Variants in MPP4 observed in about 807,000 individuals in gnomAD.
The protein encoded by MPP4 is MAGUK p55 scaffold protein 4.
MPP4 carries 91 observed loss-of-function variants against 98.3 expected under a neutral mutation model. The ratio of observed to expected loss-of-function variants is 0.93; its 90% CI spans 0.78 to 1.10. The LOEUF is 1.10. Among genes scored for constraint, MPP4 ranks in the 50% least tolerant of loss-of-function variants. MPP4 has a pLI of 0.00. For synonymous variants in MPP4, 261 were observed against 271.8 expected (o/e 0.96, Z 0.39); for missense variants, 744 against 792.9 (o/e 0.94, Z 0.74).
At chr2:201,667,359 G>A (rs1002096195) in intron 12 of MPP4, among the ~76,000 whole-genome samples, 1 of 152,112 alleles carries the variant, frequency 6.6e-6, no homozygotes, top group African/African-American at 2.4e-5. Context: ...ATACCCCCTT[G>A]CAGAGCATTT....
intron 12 of MPP4, among the ~76,000 whole-genome samples, chr2:201,668,901 C>T (rs1173577200): frequency 6.6e-6 from 1 of 152,120 alleles, no homozygotes. Context: ...TCTTCTCTTG[C>T]CCTCCTGTGT....
At chr2:201,686,833 A>G (rs906576644) in intron 5 of MPP4, among the ~76,000 whole-genome samples, 1 of 152,246 alleles carries the variant, frequency 6.6e-6, no homozygotes, top group Non-Finnish European at 1.5e-5. Flanking sequence ...TGTAAGTACT[A>G]AGAGATAGGT....
intron 10 of MPP4, among the ~76,000 whole-genome samples, chr2:201,677,332 A>G (rs1334062187): frequency 6.6e-6 from 1 of 152,194 alleles, no homozygotes; most frequent in Admixed American, 6.5e-5. Flanking sequence ...TCTACTTGCC[A>G]AAAATATTTG....
In MPP4 at chr2:201,645,298, GC is replaced by G. The variant is rs1574591999; in HGVS notation, c.1825del (p.Ala609ProfsTer39). 6.2e-7 allele frequency: 1 copy of G among 1,613,948 alleles called. No homozygotes were observed. Among genetic ancestry groups the G allele is most frequent in the Admixed American group, 1.7e-5 (1 of 60,024 alleles). The stretch of plus-strand genomic sequence containing the variant: ...CTTCTGTATGGCAGACAACAACTGG[GC>G]ACATGCATCGTGCAAGCTGTCATTC... ...IVNDSLHDACAQLLSAIQKAQ... is the reference protein window; with the variant it reads ...IVNDSLHDACXQLLSAIQKAQ... On this transcript the variant is annotated frameshift_variant, in exon 22 of 22. Transcript: ENST00000409474. LOFTEE classifies it high-confidence loss of function.
intron 16 of MPP4, among the ~76,000 whole-genome samples, 156 bp downstream of exon 16, chr2:201,658,321 T>C (rs934575987): frequency 2.0e-5 from 3 of 152,122 alleles, no homozygotes; most frequent in African/African-American, 7.2e-5. Context: ...TGGATCAGAA[T>C]ATTGACAAGA....
At chr2:201,691,843 T>G (rs567833102) in intron 3 of MPP4, among the ~76,000 whole-genome samples, 7 of 152,286 alleles carry the variant, frequency 4.6e-5, no homozygotes, top group African/African-American at 1.4e-4. Context: ...AATAAGAAAC[T>G]TCAGGGTACC....
rs757124522 is a variant in MPP4, at chr2:201,690,230, G to A, written c.251C>T (p.Thr84Ile). Residue 84 changes from threonine to isoleucine, a missense_variant, in exon 4 of 22, where the codon ACA (threonine) becomes ATA (isoleucine). Thr to Ile is a moderately conservative substitution (Grantham distance 89). Coordinates refer to ENST00000409474, the MANE Select transcript of MPP4 (RefSeq NM_033066.3). ...EFKEKKLVPA[T>I]PHAQVLSYEV... ...ATAGGATAACACCTGTGCATGTGGT[G>A]TGGCAGGAACTAGTTTCTTTTCTTT... The A allele has an allele frequency of 4.3e-6, 7 of 1,610,068 alleles. No individual in the cohort carries two copies. Among genetic ancestry groups the A allele is most frequent in the East Asian group, 2.2e-5 (1 of 44,832 alleles).
Position 201,687,337 on chromosome 2 carries a change from G to T in MPP4, c.314C>A (p.Pro105His). The change falls in exon 5 of 22, where the codon CCT becomes CAT. Residue 105 changes from proline to histidine, a missense_variant. By Grantham distance (77) the Pro-to-His change is moderately conservative. Coordinates refer to ENST00000409474, the MANE Select transcript of MPP4 (RefSeq NM_033066.3). ...VELLRETPTS[P>H]EIQELRQMLQ... ...CATTTGTCTCAGCTCTTGGATCTCAGGGGAAGTAGGGGTTTCACGTAATAA... is the reference window on the plus strand; with the variant it reads ...CATTTGTCTCAGCTCTTGGATCTCATGGGAAGTAGGGGTTTCACGTAATAA... The T allele has an allele frequency of 6.3e-7, 1 of 1,584,456 alleles. No individual in the cohort carries two copies. Among genetic ancestry groups the T allele is most frequent in the East Asian group, 2.3e-5 (1 of 43,990 alleles).
At chr2:201,666,731 AAAATAAAAATAAATAAAAAT>A (rs199957979) in intron 12 of MPP4, 2 of 149,534 alleles carry the variant, frequency 1.3e-5, no homozygotes, top group African/African-American at 4.9e-5. Flanking sequence ...TCTAAAAATA[AAAATAAAAATAAATAAAAAT>A]AAATAAAAAT....
chr2:201,668,477 C>CTCTTCTCTTCTCTTCTCTTCCT (rs1553493949), intron 12 of MPP4, among the ~76,000 whole-genome samples: 7 of 146,914 alleles, frequency 4.8e-5, no homozygotes, highest in African/African-American at 1.0e-4. Context: ...CTCTTCTCTT[C>CTCTTCTCTTCTCTTCTCTTCCT]CTCTCTCTCT....
At chr2:201,682,445 G>C (rs1288518126) in intron 8 of MPP4, among the ~76,000 whole-genome samples, 1 of 152,212 alleles carries the variant, frequency 6.6e-6, no homozygotes, top group Non-Finnish European at 1.5e-5. Flanking sequence ...CCATAGAAAA[G>C]TGTTAGTGGG....
chr2:201,689,745 T>TGGGTGGGGGTGATCGGC, intron 4 of MPP4, among the ~76,000 whole-genome samples: 1 of 149,868 alleles, frequency 6.7e-6, no homozygotes, highest in East Asian at 2.0e-4. Context: ...TCCAGAAGAG[T>TGGGTGGGGGTGATCGGC]GGGTGGGGGT....
Position 201,669,740 on chromosome 2 carries a change from C to A in MPP4, c.1005G>T (p.Met335Ile). Residue 335 changes from methionine (M) to isoleucine (I), a missense_variant, in exon 12 of 22, where the codon ATG (methionine) becomes ATT (isoleucine). Met to Ile is a conservative substitution (Grantham distance 10, BLOSUM62 1). Transcript: ENST00000409474. ...TCLKSTLSIS[M>I]EEEDDMKIDE... ...CTAAATACTATTTCTTACCTTCTTC[C>A]ATAGAAATTGCTGAGTACAAGCAAA... is the stretch of plus-strand genomic sequence containing the variant. 2 of 1,446,508 alleles carry A rather than the reference C, an allele frequency of 1.4e-6. No individual in the cohort carries two copies. Among genetic ancestry groups the A allele is most frequent in the African/African-American group, 1.4e-5 (1 of 70,378 alleles). 89.6% of individuals were successfully genotyped at this position (1,446,508 alleles called of 1,614,324 possible). A position where few individuals can be genotyped will look rare whatever the true frequency, so the allele number is the denominator to read the frequency against.
intron 14 of MPP4, among the ~76,000 whole-genome samples, chr2:201,661,077 C>G (rs62193395): frequency 0.1 from 15,672 of 152,004 alleles, 830 homozygotes; most frequent in East Asian, 0.21. Context: ...TGAGCCACCA[C>G]GCCTGGCTAA....
At chr2:201,666,769 A>T (rs1574614079) in intron 12 of MPP4, 1 of 150,036 alleles carries the variant, frequency 6.7e-6, no homozygotes, top group Non-Finnish European at 1.5e-5. Context: ...AATAAAAAAA[A>T]TTCCCTATGT....
intron 15 of MPP4, among the ~76,000 whole-genome samples, chr2:201,659,358 G>C (rs566156102): frequency 2.0e-4 from 30 of 152,264 alleles, no homozygotes; most frequent in African/African-American, 7.0e-4. Flanking sequence ...GACTCTGAGA[G>C]ACAAAATGAG....
intron 18 of MPP4, among the ~76,000 whole-genome samples, chr2:201,654,234 C>T (rs905016885): frequency 6.6e-6 from 1 of 152,054 alleles, no homozygotes; most frequent in African/African-American, 2.4e-5. Flanking sequence ...CTTCAGCCTC[C>T]CAAAATGCTG....
intron 15 of MPP4, among the ~76,000 whole-genome samples, chr2:201,659,185 G>A (rs112542772): frequency 0.033 from 4,867 of 149,468 alleles, 110 homozygotes; most frequent in Middle Eastern, 0.055. Flanking sequence ...GATTACGCCC[G>A]GCCTTGTTCT....
chr2:201,680,639 A>G, intron 10 of MPP4, 199 bp downstream of exon 10: 2 of 527,618 alleles, frequency 3.8e-6, no homozygotes, highest in South Asian at 3.4e-5. Flanking sequence ...TCTAGCTGAT[A>G]TGATTATTCT....
Sources: gnomAD v4.1 joint callset for allele counts (sites outside exome capture counted in the v4.1 genomes callset) on GRCh38, gnomAD v4.1.1 for gene constraint, MANE v1.5 for transcripts, NCBI Gene and HGNC (gene_info 2026-07-23, HGNC 2026-07-21) for gene names.